The following ANKRD39 variants were observed in gnomAD, a reference collection of about 807,000 sequenced individuals.
ANKRD39 encodes the protein ankyrin repeat domain 39.
A neutral mutation model predicts 20.3 loss-of-function variants in ANKRD39; 18 were observed. The ratio of observed to expected loss-of-function variants is 0.89; its 90% CI spans 0.61 to 1.32. The LOEUF (loss-of-function observed/expected upper bound fraction) is 1.32, where lower values mean the gene tolerates loss of function less well. ANKRD39 is among the 40% of genes most tolerant of loss of function. The pLI, the probability that ANKRD39 is intolerant of heterozygous loss-of-function variation, is 0.00. For missense variants in ANKRD39, 243 were observed against 250.7 expected (o/e 0.97, Z 0.21); for synonymous variants, 106 against 111.9 (o/e 0.95, Z 0.33).
chr2:96,852,815 C>G (rs2079844902), intron 3 of ANKRD39, among the ~76,000 whole-genome samples: 1 of 152,194 alleles, frequency 6.6e-6, no homozygotes. Context: ...CACCCGTAAT[C>G]TCAGCACTTA....
At position 96,857,979 on chromosome 2, in the gene ANKRD39, C is replaced by G; in HGVS notation, c.9G>C (p.Thr3=). The G allele has an allele frequency of 6.5e-7, 1 of 1,536,712 alleles. No individual in the cohort carries two copies. Among genetic ancestry groups the G allele is most frequent in the Non-Finnish European group, 8.7e-7 (1 of 1,149,158 alleles). ...AGGGCCCGTCCGCGCAGGGCCGAGGCGTCGCCATCCCGGCCCCGGCGTCAG... is the reference window on the plus strand; with the variant it reads ...AGGGCCCGTCCGCGCAGGGCCGAGGGGTCGCCATCCCGGCCCCGGCGTCAG... MA[T]PRPCADGPCC... is the part of the protein sequence containing the mutation. Residue 3 remains threonine, a synonymous_variant, in exon 1 of 4, where the codon ACG becomes ACC. Transcript: ENST00000393537.
chr2:96,856,935 G>C (rs1213680245), intron 1 of ANKRD39, among the ~76,000 whole-genome samples: 1 of 152,218 alleles, frequency 6.6e-6, no homozygotes, highest in Non-Finnish European at 1.5e-5. Flanking sequence ...AGTGATTGGG[G>C]GAAGAAAAGC....
At chr2:96,849,872 A>G (rs1033323744) in intron 3 of ANKRD39, among the ~76,000 whole-genome samples, 50 of 152,268 alleles carry the variant, frequency 3.3e-4, no homozygotes, top group African/African-American at 9.9e-4. Flanking sequence ...GGAGACCCCA[A>G]TCCAGATGTC....
chr2:96,852,992 T>C (rs2079845724), intron 3 of ANKRD39, among the ~76,000 whole-genome samples: 1 of 152,190 alleles, frequency 6.6e-6, no homozygotes, highest in Admixed American at 6.5e-5. Context: ...GGAGGGAAAC[T>C]CGCTTTCATG....
intron 3 of ANKRD39, among the ~76,000 whole-genome samples, chr2:96,849,535 C>T (rs1488932710): frequency 2.6e-5 from 4 of 152,062 alleles, no homozygotes; most frequent in East Asian, 3.9e-4. Context: ...TTGTAATCCC[C>T]GCTACTCGGG....
chr2:96,854,277 G>A, intron 2 of ANKRD39, 61 bp downstream of exon 2: 2 of 1,507,702 alleles, frequency 1.3e-6, no homozygotes, highest in East Asian at 2.3e-5. Context: ...CCTCCTCAGA[G>A]AGCAGGTGTC....
At chr2:96,848,585 G>A in intron 3 of ANKRD39, 141 bp from the exon 4 acceptor site, 1 of 1,071,842 alleles carries the variant, frequency 9.3e-7, no homozygotes, top group Non-Finnish European at 1.3e-6. Flanking sequence ...TCAGCACTTT[G>A]GGAGGCCAAG....
intron 1 of ANKRD39, among the ~76,000 whole-genome samples, chr2:96,856,746 T>C (rs2079867513): frequency 6.6e-6 from 1 of 152,064 alleles, no homozygotes; most frequent in Non-Finnish European, 1.5e-5. Context: ...ACTGGGGTGT[T>C]TAGGGAGGGT....
At chr2:96,852,789 C>T (rs574124090) in intron 3 of ANKRD39, among the ~76,000 whole-genome samples, 104 of 152,176 alleles carry the variant, frequency 6.8e-4, no homozygotes, top group African/African-American at 2.3e-3. Context: ...GTAAAGTGGC[C>T]GAGCAGGGTA....
Position 96,848,106 on chromosome 2 carries a change from A to G in ANKRD39, c.*195T>C, listed in dbSNP as rs2079818795. On this transcript the variant is annotated 3_prime_UTR_variant, in exon 4 of 4. Transcript: ENST00000393537. ...TGTCTCATATGAACTAATTTAGAATATGATCATCTGTCCAGTCTTAAACAC... is the reference window on the plus strand; with the variant it reads ...TGTCTCATATGAACTAATTTAGAATGTGATCATCTGTCCAGTCTTAAACAC... 6 of 587,416 alleles carry G rather than the reference A, an allele frequency of 1.0e-5. No homozygotes were observed. The highest frequency in any genetic ancestry group is 1.7e-5 in the Non-Finnish European group (6 of 355,540). 36.4% of individuals were successfully genotyped at this position (587,416 alleles called of 1,614,324 possible). A position where few individuals can be genotyped will look rare whatever the true frequency, so the allele number is the denominator to read the frequency against.
chr2:96,849,922 G>C (rs919183576), intron 3 of ANKRD39, among the ~76,000 whole-genome samples: 2 of 152,226 alleles, frequency 1.3e-5, no homozygotes, highest in Non-Finnish European at 2.9e-5. Flanking sequence ...ATAGAGTTAA[G>C]TGATTTACAT....
Position 96,854,318 on chromosome 2 carries a change from T to C in ANKRD39, c.204+20A>G, listed in dbSNP as rs1254682695. 2 of 1,611,858 alleles carry C rather than the reference T, an allele frequency of 1.2e-6. No individual in the cohort carries two copies. The highest frequency in any genetic ancestry group is 2.2e-5 in the South Asian group (2 of 90,872). ...AGTTAACGCTTCTGTCTCCTGACCCTGTGCTCCTCCCTAGCTCACCAGCGC... is the reference window on the plus strand; with the variant it reads ...AGTTAACGCTTCTGTCTCCTGACCCCGTGCTCCTCCCTAGCTCACCAGCGC... On this transcript the variant is annotated intron_variant, in intron 2 of 3. Coordinates refer to ENST00000393537, the MANE Select transcript of ANKRD39 (RefSeq NM_016466.6).
intron 1 of ANKRD39, among the ~76,000 whole-genome samples, chr2:96,855,859 A>G (rs1276213383): frequency 6.6e-6 from 1 of 152,188 alleles, no homozygotes; most frequent in East Asian, 1.9e-4. Flanking sequence ...GGGCGCCTGT[A>G]GTCCCAGCTA....
At chr2:96,854,300 G>C (rs58219990) in intron 2 of ANKRD39, 38 bp downstream of exon 2, 4 of 1,592,730 alleles carry the variant, frequency 2.5e-6, no homozygotes, top group Non-Finnish European at 3.4e-6. Flanking sequence ...CTGAGTTAAC[G>C]CTTCTGTCTC....
In ANKRD39 at chr2:96,848,214, G is replaced by T; in HGVS notation, c.*87C>A. 6.4e-7 allele frequency: 1 copy of T among 1,563,892 alleles called. No individual in the cohort carries two copies. The highest frequency in any genetic ancestry group is 8.7e-7 in the Non-Finnish European group (1 of 1,149,922). ...CTGGGTGGTCTGGCCTCAGTTCCCT[G>T]CCCAGCAGCATGGATGCTGACCAAG... On this transcript the variant is annotated 3_prime_UTR_variant, in exon 4 of 4. Transcript: ENST00000393537.
At chr2:96,854,967 C>T (rs2079855718) in intron 1 of ANKRD39, among the ~76,000 whole-genome samples, 1 of 152,182 alleles carries the variant, frequency 6.6e-6, no homozygotes, top group Non-Finnish European at 1.5e-5. Flanking sequence ...CAGAAGGCTG[C>T]CAAGGCAGTG....
chr2:96,855,678 G>A (rs866862262), intron 1 of ANKRD39, among the ~76,000 whole-genome samples: 4 of 149,312 alleles, frequency 2.7e-5, no homozygotes, highest in African/African-American at 9.9e-5. Flanking sequence ...AGCCAAGATC[G>A]CACCACTGCA....
intron 3 of ANKRD39, among the ~76,000 whole-genome samples, chr2:96,850,087 C>A (rs921251547): frequency 1.1e-4 from 16 of 152,238 alleles, no homozygotes; most frequent in Non-Finnish European, 2.4e-4. Context: ...TTTGCCTGAA[C>A]TCTTATTAAC....
At chr2:96,850,897 C>A (rs2079833796) in intron 3 of ANKRD39, among the ~76,000 whole-genome samples, 1 of 152,162 alleles carries the variant, frequency 6.6e-6, no homozygotes, top group Non-Finnish European at 1.5e-5. Flanking sequence ...TCTGTCTATC[C>A]AATTGGCAAT....
Sources: gnomAD v4.1 joint callset for allele counts (sites outside exome capture counted in the v4.1 genomes callset) on GRCh38, gnomAD v4.1.1 for gene constraint, MANE v1.5 for transcripts, NCBI Gene and HGNC (gene_info 2026-07-23, HGNC 2026-07-21) for gene names.